GATAD2B: variants seen among roughly 807,000 people sequenced by gnomAD.
The protein encoded by GATAD2B is GATA zinc finger domain containing 2B, also known as transcriptional repressor p66-beta.
Under a neutral mutation model 64.3 loss-of-function variants are expected in GATAD2B, and 8 were observed. That is an observed-to-expected ratio of 0.12 (90% CI 0.07 to 0.22). The LOEUF (loss-of-function observed/expected upper bound fraction) is 0.22, where lower values mean the gene tolerates loss of function less well. Ranked by LOEUF, GATAD2B falls within the 10% of genes least tolerant of loss-of-function variation. GATAD2B has a pLI of 1.00. For missense variants in GATAD2B, 453 were observed against 752.0 expected, an observed-to-expected ratio of 0.60 and a Z score of 4.65; for synonymous variants, 281 against 271.3, an observed-to-expected ratio of 1.04 and a Z score of -0.35.
chr1:153,905,649 T>C (rs1013173604), intron 1 of GATAD2B, among the ~76,000 whole-genome samples: 4 of 149,630 alleles, frequency 2.7e-5, no homozygotes, highest in Non-Finnish European at 5.9e-5. Flanking sequence ...AACAGTGTGG[T>C]AGCCCGGCAT....
intron 1 of GATAD2B, among the ~76,000 whole-genome samples, chr1:153,848,384 A>G (rs1170844339): frequency 6.6e-6 from 1 of 152,208 alleles, no homozygotes; most frequent in African/African-American, 2.4e-5. Context: ...AACTTTCAGC[A>G]GCATTTTATC....
chr1:153,884,782 C>T (rs1483424723), intron 1 of GATAD2B, among the ~76,000 whole-genome samples: 1 of 151,896 alleles, frequency 6.6e-6, no homozygotes, highest in Admixed American at 6.6e-5. Flanking sequence ...TTTTTCGAGA[C>T]AGTCTCGCTC....
At chr1:153,822,386 G>A (rs1351616960) in intron 2 of GATAD2B, among the ~76,000 whole-genome samples, 1 of 152,164 alleles carries the variant, frequency 6.6e-6, no homozygotes, top group East Asian at 1.9e-4. Flanking sequence ...ATTACTGGAT[G>A]GAGATTTGGG....
intron 1 of GATAD2B, among the ~76,000 whole-genome samples, chr1:153,871,942 C>A (rs970434039): frequency 2.0e-5 from 3 of 150,886 alleles, no homozygotes; most frequent in African/African-American, 7.3e-5. Flanking sequence ...AAAGTGAGAC[C>A]CTGTCTCAAA....
chr1:153,889,552 A>C (rs962645587), intron 1 of GATAD2B: 2 of 161,138 alleles, frequency 1.2e-5, no homozygotes, highest in African/African-American at 4.8e-5. Context: ...TCGGAATTTC[A>C]AGACAATCAC....
intron 3 of GATAD2B, 21 bp downstream of exon 3, chr1:153,819,585 G>T (rs759214722): frequency 8.4e-6 from 13 of 1,548,948 alleles, no homozygotes; most frequent in African/African-American, 1.4e-5. Context: ...CAAGAAGAAA[G>T]AAATTTTTCT....
At position 153,845,755 on chromosome 1, in the gene GATAD2B, C is replaced by A. The variant is rs529648188; in HGVS notation, c.-1-17407G>T. Among the ~76,000 whole-genome samples the A allele has an allele frequency of 2.6e-5, 4 of 151,740 alleles. No homozygotes were observed. The East Asian group carries it at 7.7e-4, about 29-fold the overall frequency. ...CCTGGGTGACAGAGCAAGACTCTAT[C>A]TCAAAAAAATAAATAAATAAATAAA... On this transcript the variant is annotated intron_variant, in intron 1 of 10. Transcript: ENST00000368655.
At position 153,813,304 on chromosome 1, in the gene GATAD2B, A is replaced by G. The variant is rs1276083067; in HGVS notation, c.1365T>C (p.Ala455=). ...CATTTTTCAGCCGGTTGGTGTGTTC[A>G]GCTTTTAGAGCCTTTTTCTGGTTGG... ...MTSNQKKALK[A]EHTNRLKNAF... The change falls in exon 8 of 11, where the codon GCT becomes GCC. Residue 455 remains alanine (A), a synonymous_variant. Coordinates refer to ENST00000368655, the MANE Select transcript of GATAD2B (RefSeq NM_020699.4). 9 of 1,614,106 alleles carry G rather than the reference A, an allele frequency of 5.6e-6. No homozygotes were observed. Among genetic ancestry groups the G allele is most frequent in the Non-Finnish European group, 7.6e-6 (9 of 1,180,042 alleles).
At chr1:153,843,398 C>T (rs1323344423) in intron 1 of GATAD2B, among the ~76,000 whole-genome samples, 1 of 151,928 alleles carries the variant, frequency 6.6e-6, no homozygotes, top group East Asian at 1.9e-4. Context: ...GGCCTCATTG[C>T]ACCCTCCTAC....
intron 1 of GATAD2B, among the ~76,000 whole-genome samples, chr1:153,880,047 A>G (rs999866393): frequency 6.6e-6 from 1 of 152,154 alleles, no homozygotes; most frequent in East Asian, 1.9e-4. Flanking sequence ...AATAAAAAAG[A>G]AGGGGGAGTC....
chr1:153,860,488 C>G (rs893987913), intron 1 of GATAD2B, among the ~76,000 whole-genome samples: 4 of 151,950 alleles, frequency 2.6e-5, no homozygotes, highest in Non-Finnish European at 2.9e-5. Flanking sequence ...GTGCGTGCCA[C>G]CTCAACCAGC....
intron 4 of GATAD2B, 109 bp from the exon 5 acceptor site, chr1:153,818,280 G>A: frequency 3.3e-6 from 3 of 908,506 alleles, no homozygotes; most frequent in Non-Finnish European, 4.8e-6. Context: ...TTGTCAATCA[G>A]GAGGAAAAAC....
chr1:153,815,100 A>C (rs1276657600), intron 7 of GATAD2B, among the ~76,000 whole-genome samples: 3 of 144,222 alleles, frequency 2.1e-5, no homozygotes, highest in East Asian at 3.9e-4. Context: ...AAAAAAAAAA[A>C]AAAAAAAAAA....
chr1:153,842,644 TTATGTATGTATG>T (rs71093293), intron 1 of GATAD2B, among the ~76,000 whole-genome samples: 3,048 of 150,376 alleles, frequency 0.02, 108 homozygotes, highest in African/African-American at 0.071. Flanking sequence ...TTTTAAAATT[TTATGTATGTATG>T]TATGTATGTA....
intron 1 of GATAD2B, among the ~76,000 whole-genome samples, chr1:153,864,802 C>A (rs12041927): frequency 6.6e-6 from 1 of 152,188 alleles, no homozygotes; most frequent in African/African-American, 2.4e-5. Flanking sequence ...GGCACAGTGG[C>A]TCATGCCTGT....
At chr1:153,921,085 A>C (rs1451650957) in intron 1 of GATAD2B, among the ~76,000 whole-genome samples, 1 of 152,178 alleles carries the variant, frequency 6.6e-6, no homozygotes, top group Admixed American at 6.5e-5. Context: ...TGACAGAAAT[A>C]CTACTCTAGG....
chr1:153,834,007 T>G (rs1557792645), intron 1 of GATAD2B, among the ~76,000 whole-genome samples: 3 of 151,422 alleles, frequency 2.0e-5, no homozygotes, highest in African/African-American at 7.3e-5. Flanking sequence ...TTTGGTTGTT[T>G]TTTGTTTGTT....
intron 1 of GATAD2B, among the ~76,000 whole-genome samples, chr1:153,901,382 A>G (rs1677765798): frequency 6.6e-6 from 1 of 151,974 alleles, no homozygotes; most frequent in Admixed American, 6.6e-5. Context: ...CACATCTCCA[A>G]GGCAAAATGA....
chr1:153,846,554 GTT>G (rs1385187956), intron 1 of GATAD2B, among the ~76,000 whole-genome samples: 1 of 132,284 alleles, frequency 7.6e-6, no homozygotes, highest in African/African-American at 2.9e-5. Flanking sequence ...TGTTCTTTGC[GTT>G]CTTTTTTTTT....
Sources: allele counts gnomAD v4.1 joint callset (sites outside exome capture counted in the v4.1 genomes callset), GRCh38; gene constraint gnomAD v4.1.1; transcripts MANE v1.5; gene names NCBI Gene and HGNC (gene_info 2026-07-23, HGNC 2026-07-21).